Variants in GNB4 observed in about 807,000 individuals in gnomAD.
GNB4 encodes G protein subunit beta 4.
A neutral mutation model predicts 45.2 loss-of-function variants in GNB4; 28 were observed. The observed-to-expected ratio is 0.62, with a 90% confidence interval of 0.46 to 0.85. The LOEUF (loss-of-function observed/expected upper bound fraction) is 0.85, where lower values mean the gene tolerates loss of function less well. Ranked by LOEUF, GNB4 falls within the 40% of genes least tolerant of loss-of-function variation. The pLI is 0.00. For missense variants in GNB4, 321 were observed against 425.4 expected (o/e 0.75, Z 2.16); for synonymous variants, 132 against 143.7 (o/e 0.92, Z 0.58).
At chr3:179,472,701 TTAAG>T in the GNB4 span, among the ~76,000 whole-genome samples, 451 of 152,292 alleles carry the variant, frequency 3.0e-3, 6 homozygotes, top group Middle Eastern at 0.01. Context: ...AAGAAAACGT[TTAAG>T]TAACACCAAA....
At chr3:179,527,790 A>G in the GNB4 span, among the ~76,000 whole-genome samples, 29,229 of 142,308 alleles carry the variant, frequency 0.21, 2,991 homozygotes, top group Admixed American at 0.27. Flanking sequence ...GTGTGTATGT[A>G]TGTGTGTGTG....
chr3:179,430,844 CTTT>C (rs954217356), intron 1 of GNB4, among the ~76,000 whole-genome samples: 1 of 152,066 alleles, frequency 6.6e-6, no homozygotes. Context: ...TATTTTTAGT[CTTT>C]TTATTTATAA....
the GNB4 span, among the ~76,000 whole-genome samples, chr3:179,492,614 C>T: frequency 1.3e-5 from 2 of 152,160 alleles, no homozygotes; most frequent in African/African-American, 2.4e-5. Flanking sequence ...AAGCCTAGTA[C>T]ACCAGCACCA....
Position 179,413,431 on chromosome 3 carries a change from G to A in GNB4, c.680C>T (p.Ser227Leu). 3.1e-6 allele frequency: 5 copies of A among 1,613,490 alleles called. No individual in the cohort carries two copies. The highest frequency in any genetic ancestry group is 4.2e-6 in the Non-Finnish European group (5 of 1,179,466). ...ACTTACACTGACAGCATTGATATCT[G>A]AGACATGTCCCGTGAAAGACTGTCT... is the stretch of plus-strand genomic sequence containing the variant. ...MCRQSFTGHV[S>L]DINAVSFFPN... The change falls in exon 8 of 10, where the codon TCA becomes TTA. Residue 227 changes from serine (S) to leucine (L), a missense_variant. Physicochemically the swap from Ser to Leu is moderately radical, Grantham distance 145. Transcript: ENST00000232564.
At chr3:179,509,923 A>G in the GNB4 span, among the ~76,000 whole-genome samples, 24 of 152,022 alleles carry the variant, frequency 1.6e-4, no homozygotes, top group African/African-American at 4.8e-4. Context: ...TCCTGGGAAC[A>G]AGTGATCCTC....
At chr3:179,526,991 A>G in the GNB4 span, among the ~76,000 whole-genome samples, 1 of 152,220 alleles carries the variant, frequency 6.6e-6, no homozygotes, top group African/African-American at 2.4e-5. Context: ...CATTCTGTGA[A>G]CTGCTCCCCA....
At chr3:179,445,353 T>C (rs190953583) in intron 1 of GNB4, among the ~76,000 whole-genome samples, 8 of 152,230 alleles carry the variant, frequency 5.3e-5, no homozygotes, top group Admixed American at 2.0e-4. Context: ...GGCATGATCA[T>C]AGTTCACTGC....
At chr3:179,525,060 T>C in the GNB4 span, among the ~76,000 whole-genome samples, 1 of 151,840 alleles carries the variant, frequency 6.6e-6, no homozygotes, top group Non-Finnish European at 1.5e-5. Context: ...GACTCAGAGC[T>C]TGGGATGCAG....
the GNB4 span, among the ~76,000 whole-genome samples, chr3:179,520,999 T>C: frequency 1.3e-5 from 2 of 152,188 alleles, no homozygotes; most frequent in African/African-American, 2.4e-5. Flanking sequence ...TCTGCTATTC[T>C]ACTACCCCTC....
the GNB4 span, among the ~76,000 whole-genome samples, chr3:179,515,374 T>C: frequency 2.0e-5 from 3 of 152,186 alleles, no homozygotes; most frequent in African/African-American, 7.2e-5. Context: ...TTATTTCACC[T>C]GGGTGCAGGC....
At chr3:179,453,147 G>GT (rs201810726), upstream of GNB4, among the ~76,000 whole-genome samples, 692 of 152,080 alleles carry the variant, frequency 4.6e-3, 4 homozygotes, top group African/African-American at 0.015. Flanking sequence ...TTTTTTGTTT[G>GT]TTTTTTTGTT....
intron 1 of GNB4, among the ~76,000 whole-genome samples, chr3:179,440,880 T>C (rs368714359): frequency 6.7e-6 from 1 of 149,032 alleles, no homozygotes; most frequent in Non-Finnish European, 1.5e-5. Flanking sequence ...TATAGATAGA[T>C]AGAGAGAGAG....
In GNB4 at chr3:179,441,491, T is replaced by C. The variant is rs546586671; in HGVS notation, c.-43+9855A>G. On this transcript the variant is annotated intron_variant, in intron 1 of 9. Transcript: ENST00000232564. ...GCTCATGCCTGTAATTCTAGCAATT[T>C]TGGAGGCCAAGGCAGGTGGACCACC... is the stretch of plus-strand genomic sequence containing the variant. Among the ~76,000 whole-genome samples the C allele has an allele frequency of 5.3e-5, 8 of 152,200 alleles. No individual in the cohort carries two copies. In the South Asian group the frequency reaches 8.3e-4, roughly 16 times the overall value.
the GNB4 span, among the ~76,000 whole-genome samples, chr3:179,486,028 G>A: frequency 6.6e-6 from 1 of 152,030 alleles, no homozygotes; most frequent in South Asian, 2.1e-4. Flanking sequence ...TTCAAGACCA[G>A]CCTGGCCAAG....
At chr3:179,486,319 A>T in the GNB4 span, among the ~76,000 whole-genome samples, 1 of 151,838 alleles carries the variant, frequency 6.6e-6, no homozygotes, top group Non-Finnish European at 1.5e-5. Context: ...TTAAAATTTT[A>T]AAAATAATCA....
At chr3:179,499,155 CTT>C in the GNB4 span, among the ~76,000 whole-genome samples, 970 of 111,426 alleles carry the variant, frequency 8.7e-3, 3 homozygotes, top group East Asian at 0.015. Flanking sequence ...GCCACATTTT[CTT>C]TTTTTTTTTT....
intron 1 of GNB4, among the ~76,000 whole-genome samples, chr3:179,430,616 G>A (rs1453134504): frequency 4.2e-5 from 6 of 143,716 alleles, no homozygotes; most frequent in Non-Finnish European, 9.1e-5. Context: ...ATCATGCCTG[G>A]CTAATTTTTT....
chr3:179,482,015 G>A, the GNB4 span, among the ~76,000 whole-genome samples: 31 of 152,052 alleles, frequency 2.0e-4, no homozygotes, highest in South Asian at 8.3e-4. Flanking sequence ...CAATCCTCCC[G>A]GCTCAGCCTC....
the GNB4 span, among the ~76,000 whole-genome samples, chr3:179,497,798 C>G: frequency 6.6e-6 from 1 of 152,054 alleles, no homozygotes; most frequent in Non-Finnish European, 1.5e-5. Flanking sequence ...TGAAAAGATT[C>G]TCAACATCAC....
Sources: gnomAD v4.1 joint callset for allele counts (sites outside exome capture counted in the v4.1 genomes callset) on GRCh38, gnomAD v4.1.1 for gene constraint, MANE v1.5 for transcripts, NCBI Gene and HGNC (gene_info 2026-07-23, HGNC 2026-07-21) for gene names.